The following RIC3 variants were observed in gnomAD, a reference collection of about 807,000 sequenced individuals.
RIC3 encodes RIC3 acetylcholine receptor chaperone, also known as protein RIC-3.
A neutral mutation model predicts 27.3 loss-of-function variants in RIC3; 28 were observed. That is an observed-to-expected ratio of 1.02 (90% CI 0.76 to 1.41). RIC3 has a LOEUF of 1.41. Ranked by LOEUF, RIC3 falls within the 40% of genes most tolerant of loss-of-function variation. The pLI is 0.00. For missense variants in RIC3, 501 were observed against 444.7 expected (o/e 1.13, Z -1.14); for synonymous variants, 184 against 160.4 (o/e 1.15, Z -1.11).
At position 8,115,845 on chromosome 11, in the gene RIC3, C is replaced by T. The variant is rs764858619; in HGVS notation, c.671-4708G>A. 2.6e-5 allele frequency among the ~76,000 whole-genome samples: 4 copies of T among 152,296 alleles called. No individual in the cohort carries two copies. The South Asian group carries it at 6.2e-4, about 24-fold the overall frequency. On this transcript the variant is annotated intron_variant, in intron 5 of 5. Transcript: ENST00000309737. Reference sequence around the variant, plus strand: ...TACAAAGCAATCTACAGATTTAATACAATCCCTATCAAAATTTCAATGACA... The same window carrying T: ...TACAAAGCAATCTACAGATTTAATATAATCCCTATCAAAATTTCAATGACA...
At chr11:8,144,318 C>G (rs1365288459) in intron 1 of RIC3, among the ~76,000 whole-genome samples, 1 of 150,390 alleles carries the variant, frequency 6.6e-6, no homozygotes, top group Non-Finnish European at 1.5e-5. Context: ...ACGATGAACT[C>G]AAACAAATTT....
chr11:8,159,474 T>G (rs1019083782), intron 1 of RIC3, among the ~76,000 whole-genome samples: 1 of 152,112 alleles, frequency 6.6e-6, no homozygotes, highest in Non-Finnish European at 1.5e-5. Flanking sequence ...TGAGTTGACT[T>G]AAGCTTCAAC....
the RIC3 span, chr11:8,095,395 G>A: frequency 7.9e-7 from 1 of 1,271,740 alleles, no homozygotes; most frequent in African/African-American, 1.5e-5. Flanking sequence ...AAGTTTTGCA[G>A]AGGGTTTCCC....
chr11:8,110,289 GA>G lies in RIC3; in HGVS notation c.*408del, dbSNP rs1291213243. 7 of 323,070 alleles carry G rather than the reference GA, an allele frequency of 2.2e-5. No homozygotes were observed. Among genetic ancestry groups the G allele is most frequent in the Non-Finnish European group, 4.2e-5 (7 of 166,900 alleles). 20.0% of individuals were successfully genotyped at this position (323,070 alleles called of 1,614,324 possible). A position where few individuals can be genotyped will look rare whatever the true frequency, so the allele number is the denominator to read the frequency against. ...CAAAGAATAAGGGATCTTGGAGTCTGAAATCTTCATTCTTGCAACCTTAAGT... is the reference window on the plus strand; with the variant it reads ...CAAAGAATAAGGGATCTTGGAGTCTGAATCTTCATTCTTGCAACCTTAAGT... On this transcript the variant is annotated 3_prime_UTR_variant, in exon 6 of 6. Coordinates refer to ENST00000309737, the MANE Select transcript of RIC3 (RefSeq NM_001206671.4).
intron 4 of RIC3, among the ~76,000 whole-genome samples, chr11:8,129,465 T>C (rs963841786): frequency 2.0e-5 from 3 of 152,140 alleles, no homozygotes; most frequent in Non-Finnish European, 1.5e-5. Flanking sequence ...CTTGGAGGCC[T>C]TGGAACTATG....
At chr11:8,131,900 C>CAAAAAAAAAAAAAAAAAAAAA (rs796158730) in intron 4 of RIC3, among the ~76,000 whole-genome samples, 1 of 26,176 alleles carries the variant, frequency 3.8e-5, no homozygotes, top group Non-Finnish European at 7.5e-5. Flanking sequence ...GACTCCATCT[C>CAAAAAAAAAAAAAAAAAAAAA]AAAAAAAAAA....
rs181625630 is a variant in RIC3, at chr11:8,126,244, A to G, written c.670+415T>C. Among the ~76,000 whole-genome samples the G allele has an allele frequency of 6.5e-3, 994 of 152,358 alleles. 22 individuals are homozygous for G. The highest frequency in any genetic ancestry group is 0.051 in the Admixed American group (785 of 15,300). ...GACAAACAAATTATGGTATAAGTAT[A>G]TAACTGACTACTACTCAGCAAGAAA... On this transcript the variant is annotated intron_variant, in intron 5 of 5. Transcript: ENST00000309737.
downstream of RIC3, chr11:8,101,514 G>C: frequency 6.2e-7 from 1 of 1,614,224 alleles, no homozygotes; most frequent in Non-Finnish European, 8.5e-7. Context: ...AGTTTGGCCG[G>C]GTAGCAGAGG....
At chr11:8,165,627 T>C (rs1951608583) in intron 1 of RIC3, among the ~76,000 whole-genome samples, 1 of 151,752 alleles carries the variant, frequency 6.6e-6, no homozygotes, top group Admixed American at 6.6e-5. Flanking sequence ...GTTGTACAAC[T>C]CTGAATATGC....
chr11:8,115,613 G>A (rs531858722), intron 5 of RIC3, among the ~76,000 whole-genome samples: 1 of 152,248 alleles, frequency 6.6e-6, no homozygotes, highest in East Asian at 1.9e-4. Flanking sequence ...TTCGAGACCA[G>A]CCTGACCAAC....
chr11:8,140,035 G>C lies in RIC3; in HGVS notation c.283C>G (p.Leu95Val). The change falls in exon 2 of 6, where the codon CTG becomes GTG. Residue 95 changes from leucine to valine, a missense_variant. By Grantham distance (32) the Leu-to-Val change is conservative (BLOSUM62 1). Coordinates refer to ENST00000309737, the MANE Select transcript of RIC3 (RefSeq NM_001206671.4). ...GAGGGGSGRG[L>V]MGQIIPIYGF... ...TAGATTGGAATAATCTGCCCCATCA[G>C]ACCTCTTCCACTACCTCCTCCTCCA... 6.2e-7 allele frequency: 1 copy of C among 1,613,968 alleles called. No individual in the cohort carries two copies. The highest frequency in any genetic ancestry group is 8.5e-7 in the Non-Finnish European group (1 of 1,180,006).
At chr11:8,112,233 T>C (rs1945352216) in intron 5 of RIC3, among the ~76,000 whole-genome samples, 1 of 152,154 alleles carries the variant, frequency 6.6e-6, no homozygotes, top group Non-Finnish European at 1.5e-5. Context: ...ATAATTTGCT[T>C]TTTTCTGGTC....
At chr11:8,168,794 A>G in intron 1 of RIC3, 72 bp downstream of exon 1, 2 of 1,543,756 alleles carry the variant, frequency 1.3e-6, no homozygotes, top group Non-Finnish European at 8.7e-7. Flanking sequence ...TCTCAGAGTC[A>G]CCCCTCCCTC....
chr11:8,120,226 A>G (rs1027515053), intron 5 of RIC3, among the ~76,000 whole-genome samples: 3 of 152,228 alleles, frequency 2.0e-5, no homozygotes, highest in African/African-American at 7.2e-5. Context: ...TGCTACTATA[A>G]AGACACATGC....
At chr11:8,125,406 G>A (rs1044077644) in intron 5 of RIC3, among the ~76,000 whole-genome samples, 5 of 152,124 alleles carry the variant, frequency 3.3e-5, no homozygotes, top group African/African-American at 1.2e-4. Context: ...TAAAGAATTT[G>A]TACTCGGAAT....
At chr11:8,144,743 C>G (rs984405015) in intron 1 of RIC3, among the ~76,000 whole-genome samples, 1 of 151,302 alleles carries the variant, frequency 6.6e-6, no homozygotes, top group African/African-American at 2.4e-5. Context: ...ATGTTTATTG[C>G]GGCATTATTC....
the RIC3 span, among the ~76,000 whole-genome samples, chr11:8,100,095 C>G: frequency 6.6e-6 from 1 of 152,018 alleles, no homozygotes; most frequent in African/African-American, 2.4e-5. Context: ...ACAACAGAAA[C>G]CAGGAGTCCA....
chr11:8,140,637 T>C (rs1006439495), intron 1 of RIC3, among the ~76,000 whole-genome samples: 2 of 152,140 alleles, frequency 1.3e-5, no homozygotes, highest in African/African-American at 4.8e-5. Context: ...TCAACCTGAT[T>C]CCTAAATAAT....
At chr11:8,138,215 G>A (rs750474450) in intron 3 of RIC3, 57 bp downstream of exon 3, 1 of 1,208,608 alleles carries the variant, frequency 8.3e-7, no homozygotes, top group Non-Finnish European at 1.2e-6. Context: ...TGTCCCTGTG[G>A]CTATAAAACT....
Sources: allele counts gnomAD v4.1 joint callset (sites outside exome capture counted in the v4.1 genomes callset), GRCh38; gene constraint gnomAD v4.1.1; transcripts MANE v1.5; gene names NCBI Gene and HGNC (gene_info 2026-07-23, HGNC 2026-07-21).